SLC22A25: variants seen among roughly 807,000 people sequenced by gnomAD.
SLC22A25 encodes the protein MGI:2442751, MGI:2385316, MGI:3042283, MGI:3645714, MGI:3605624, MGI:2442750.
In SLC22A25, 44 loss-of-function variants were observed where a neutral mutation model predicts 45.9. The ratio of observed to expected loss-of-function variants is 0.96; its 90% CI spans 0.75 to 1.23. The LOEUF (loss-of-function observed/expected upper bound fraction) is 1.23. Among genes scored for constraint, SLC22A25 ranks in the 50% most tolerant of loss-of-function variants. The pLI is 0.00. For synonymous variants in SLC22A25, 283 were observed against 238.6 expected (o/e 1.19, Z -1.72); for missense variants, 800 against 666.4 (o/e 1.20, Z -2.21).
chr11:63,169,812 C>G (rs987585922), intron 9 of SLC22A25, among the ~76,000 whole-genome samples: 2 of 152,084 alleles, frequency 1.3e-5, no homozygotes, highest in African/African-American at 2.4e-5. Flanking sequence ...CCAAGTGGAT[C>G]TCTAATAGAC....
chr11:63,213,621 C>T (rs1311800145), intron 7 of SLC22A25, among the ~76,000 whole-genome samples: 1 of 152,186 alleles, frequency 6.6e-6, no homozygotes, highest in East Asian at 1.9e-4. Context: ...TCAAGGACTT[C>T]TGTGTGAAAA....
intron 9 of SLC22A25, among the ~76,000 whole-genome samples, chr11:63,175,911 T>A (rs1162313029): frequency 6.6e-6 from 1 of 151,948 alleles, no homozygotes; most frequent in Admixed American, 6.6e-5. Flanking sequence ...AAAATGAAAT[T>A]GAATCCTTTC....
At chr11:63,171,896 C>T (rs1266141243) in intron 9 of SLC22A25, among the ~76,000 whole-genome samples, 1 of 152,152 alleles carries the variant, frequency 6.6e-6, no homozygotes, top group Non-Finnish European at 1.5e-5. Flanking sequence ...TACTGCCTGA[C>T]TTCAAATATA....
intron 3 of SLC22A25, among the ~76,000 whole-genome samples, chr11:63,236,487 T>C (rs190770292): frequency 2.4e-4 from 37 of 152,274 alleles, no homozygotes; most frequent in Admixed American, 6.5e-4. Flanking sequence ...TGAAGCCCAT[T>C]GGAAAAGCAT....
chr11:63,181,356 A>G (rs576357094), intron 8 of SLC22A25, among the ~76,000 whole-genome samples: 9 of 151,834 alleles, frequency 5.9e-5, no homozygotes, highest in African/African-American at 2.2e-4. Flanking sequence ...CTCGTCATTT[A>G]GCATTAGGTA....
Position 63,185,503 on chromosome 11 carries a change from T to C in SLC22A25, c.831-1686A>G, listed in dbSNP as rs1172830491. ...TATGGCTGCATAGTATTCCATGGTG[T>C]ATATGTGCCACATTTTCTTTTTTTA... On this transcript the variant is annotated intron_variant, in intron 7 of 11. Transcript: ENST00000306494. Among the ~76,000 whole-genome samples, 3 of 151,222 alleles carry C rather than the reference T, an allele frequency of 2.0e-5. 1 individual carries two copies. Among genetic ancestry groups the C allele is most frequent in the South Asian group, 4.2e-4 (2 of 4,766 alleles).
chr11:63,202,652 C>A (rs1461704108), intron 7 of SLC22A25, among the ~76,000 whole-genome samples: 4 of 152,188 alleles, frequency 2.6e-5, no homozygotes, highest in Non-Finnish European at 5.9e-5. Context: ...GGAAGCAGCC[C>A]CAGTCACGGG....
intron 7 of SLC22A25, among the ~76,000 whole-genome samples, chr11:63,194,630 C>T (rs1026748460): frequency 5.9e-5 from 9 of 152,048 alleles, no homozygotes; most frequent in East Asian, 1.9e-4. Flanking sequence ...TAAAGACCAT[C>T]GATGCTAGGA....
Position 63,243,484 on chromosome 11 carries a change from C to G in SLC22A25, c.-1046G>C. 6.5e-6 allele frequency: 5 copies of G among 763,438 alleles called. No homozygotes were observed. Among genetic ancestry groups the G allele is most frequent in the Non-Finnish European group, 1.2e-5 (5 of 407,936 alleles). 47.3% of individuals were successfully genotyped at this position (763,438 alleles called of 1,614,324 possible). Reference sequence around the variant, plus strand: ...CAACTTCAAAGTCCCATCTGCAACTCCTGGGTGCTGTCTGCATGTTCCTGG... The same window carrying G: ...CAACTTCAAAGTCCCATCTGCAACTGCTGGGTGCTGTCTGCATGTTCCTGG... On this transcript the variant is annotated 5_prime_UTR_variant, in exon 1 of 12. Transcript: ENST00000306494.
At chr11:63,201,042 A>G (rs1032275318) in intron 7 of SLC22A25, among the ~76,000 whole-genome samples, 1 of 152,258 alleles carries the variant, frequency 6.6e-6, no homozygotes, top group Non-Finnish European at 1.5e-5. Context: ...GCTCATGGAT[A>G]GGAAGAACCA....
chr11:63,228,461 C>G lies in SLC22A25; in HGVS notation c.506G>C (p.Arg169Thr). The change falls in exon 5 of 12, where the codon AGG becomes ACG. Residue 169 changes from arginine (R) to threonine (T), a missense_variant and splice_region_variant. Physicochemically the swap from Arg to Thr is moderately conservative, Grantham distance 71. Transcript: ENST00000306494. ...AGAGCTATGCTCCATAGACACTCAC[C>G]TGTCTGACAAATGGCCATATAGGTT... The part of the protein sequence containing the change: ...GGNLYGHLSD[R>T]FGRKFVLRWS... The G allele has an allele frequency of 6.3e-7, 1 of 1,598,026 alleles. No individual in the cohort carries two copies. Among genetic ancestry groups the G allele is most frequent in the Non-Finnish European group, 8.6e-7 (1 of 1,165,794 alleles).
At chr11:63,174,303 G>T (rs1273720316) in intron 9 of SLC22A25, among the ~76,000 whole-genome samples, 1 of 152,108 alleles carries the variant, frequency 6.6e-6, no homozygotes, top group Non-Finnish European at 1.5e-5. Context: ...GTCTATCAAG[G>T]TTGGATTTTC....
chr11:63,173,270 A>G (rs567124133), intron 9 of SLC22A25, among the ~76,000 whole-genome samples: 14 of 151,860 alleles, frequency 9.2e-5, no homozygotes, highest in African/African-American at 3.1e-4. Context: ...TAATGCATAC[A>G]TGGTTTAAAA....
At chr11:63,234,027 A>G (rs1387007353) in intron 3 of SLC22A25, among the ~76,000 whole-genome samples, 1 of 152,168 alleles carries the variant, frequency 6.6e-6, no homozygotes, top group Non-Finnish European at 1.5e-5. Context: ...CTGTTCTTTT[A>G]CATTTGCTGA....
intron 8 of SLC22A25, 62 bp from the exon 9 acceptor site, chr11:63,180,837 G>A: frequency 8.2e-7 from 1 of 1,221,094 alleles, no homozygotes; most frequent in Non-Finnish European, 1.2e-6. Context: ...CATTGTAAGA[G>A]GACTTGTCAA....
chr11:63,180,211 G>C (rs1420636922), intron 9 of SLC22A25, among the ~76,000 whole-genome samples: 1 of 152,056 alleles, frequency 6.6e-6, no homozygotes, highest in Non-Finnish European at 1.5e-5. Flanking sequence ...AGGATTTTCT[G>C]TTACGTCATC....
At chr11:63,173,804 C>T (rs935169028) in intron 9 of SLC22A25, among the ~76,000 whole-genome samples, 1 of 152,058 alleles carries the variant, frequency 6.6e-6, no homozygotes, top group Non-Finnish European at 1.5e-5. Flanking sequence ...TGTAAGTAGA[C>T]ATCCTTGAAC....
At chr11:63,243,246 C>T (rs566277405) in intron 1 of SLC22A25, 188 bp downstream of exon 1, 1 of 360,068 alleles carries the variant, frequency 2.8e-6, no homozygotes, top group Non-Finnish European at 5.4e-6. Context: ...TCCAGCCGTA[C>T]ATGCACAGGA....
At chr11:63,241,273 A>G (rs1398204674) in intron 1 of SLC22A25, among the ~76,000 whole-genome samples, 2 of 152,182 alleles carry the variant, frequency 1.3e-5, no homozygotes, top group African/African-American at 4.8e-5. Flanking sequence ...CCTTCAGAAA[A>G]GTCTGGAATT....
Sources: allele counts gnomAD v4.1 joint callset (sites outside exome capture counted in the v4.1 genomes callset), GRCh38; gene constraint gnomAD v4.1.1; transcripts MANE v1.5; gene names NCBI Gene and HGNC (gene_info 2026-07-23, HGNC 2026-07-21).